IQCH: variants seen among roughly 807,000 people sequenced by gnomAD.
The protein encoded by IQCH is IQ domain-containing protein H.
In IQCH, 98 loss-of-function variants were observed where a neutral mutation model predicts 117.0. The ratio of observed to expected loss-of-function variants is 0.84; its 90% CI spans 0.71 to 0.99. The LOEUF (loss-of-function observed/expected upper bound fraction) is 0.99. IQCH is among the 50% of genes least tolerant of loss of function. The probability of loss-of-function intolerance (pLI) is 0.00; values close to 1 mark genes in which losing one functional copy is unlikely to be tolerated. For missense variants in IQCH, 1,102 were observed against 1,243.8 expected (o/e 0.89, Z 1.72); for synonymous variants, 412 against 448.2 (o/e 0.92, Z 1.02).
intron 5 of IQCH, among the ~76,000 whole-genome samples, chr15:67,340,950 T>C (rs1969143590): frequency 1.3e-5 from 2 of 152,208 alleles, no homozygotes; most frequent in Admixed American, 1.3e-4. Flanking sequence ...GGCTCATGCC[T>C]CTAATCCCAG....
At chr15:67,332,084 G>T (rs753492280) in intron 4 of IQCH, among the ~76,000 whole-genome samples, 2 of 152,050 alleles carry the variant, frequency 1.3e-5, no homozygotes, top group Non-Finnish European at 2.9e-5. Flanking sequence ...AGGATATTTG[G>T]TGTCCCTAAA....
At position 67,365,160 on chromosome 15, in the gene IQCH, G is replaced by A. The variant is rs1016537778; in HGVS notation, c.753+5275G>A. Among the ~76,000 whole-genome samples, 3 of 152,104 alleles carry A rather than the reference G, an allele frequency of 2.0e-5. No homozygotes were observed. The highest frequency in any genetic ancestry group is 4.4e-5 in the Non-Finnish European group (3 of 68,032). ...GGGGTTTTACCATGTTGCCCAGGCT[G>A]GTCTGGAACTCGTGGACTCAAGTGA... On this transcript the variant is annotated intron_variant, in intron 8 of 20. Transcript: ENST00000335894. This position sits in a 1 kb window ranked among gnomAD's most constrained non-coding sequence, Gnocchi z 4.4.
In IQCH at chr15:67,500,511, T is replaced by A. The variant is rs1332948345; in HGVS notation, c.2971-122T>A. The A allele has an allele frequency of 2.3e-6, 1 of 442,182 alleles. No homozygotes were observed. The highest frequency in any genetic ancestry group is 4.1e-6 in the Non-Finnish European group (1 of 241,836). 27.4% of individuals were successfully genotyped at this position (442,182 alleles called of 1,614,324 possible). On this transcript the variant is annotated intron_variant, in intron 20 of 20. Transcript: ENST00000335894. The surrounding 1 kb of genome is among the most constrained non-coding windows in gnomAD (Gnocchi z 4.4). ...GCCATAATCTGTAGACAAATGCCAGTTGGTAGAATACATTCTGAATAGAAC... is the reference window on the plus strand; with the variant it reads ...GCCATAATCTGTAGACAAATGCCAGATGGTAGAATACATTCTGAATAGAAC...
At chr15:67,421,156 C>A in intron 15 of IQCH, 135 bp from the exon 16 acceptor site, 1 of 681,782 alleles carries the variant, frequency 1.5e-6, no homozygotes, top group Non-Finnish European at 2.5e-6. Context: ...GCCCATATTA[C>A]GGATAAAGAA....
chr15:67,353,967 C>CACACACAG (rs1969779580), intron 6 of IQCH, among the ~76,000 whole-genome samples: 1 of 152,166 alleles, frequency 6.6e-6, no homozygotes, highest in Non-Finnish European at 1.5e-5. Context: ...TTTAAACACA[C>CACACACAG]ACACACAGAC....
rs1157947883 is a variant in IQCH at position 67,427,979 on chromosome 15, C to A, written c.2505+6402C>A. Among the ~76,000 whole-genome samples the A allele has an allele frequency of 6.6e-6, 1 of 152,114 alleles. No homozygotes were observed. The highest frequency in any genetic ancestry group is 2.4e-5 in the African/African-American group (1 of 41,410). On this transcript the variant is annotated intron_variant, in intron 16 of 20. Transcript: ENST00000335894. This position sits in a 1 kb window ranked among gnomAD's most constrained non-coding sequence, Gnocchi z 4.7. ...GAGTAGCTGGGATTACAGGCACACA[C>A]CACACCTGACTAACTTTTGTATTTT...
At chr15:67,477,831 C>T (rs954611151) in intron 18 of IQCH, among the ~76,000 whole-genome samples, 1 of 152,150 alleles carries the variant, frequency 6.6e-6, no homozygotes, top group African/African-American at 2.4e-5. Context: ...TCATTACTTT[C>T]TATTGCCTGA....
At chr15:67,400,694 TC>T (rs1971627167) in intron 14 of IQCH, among the ~76,000 whole-genome samples, 1 of 151,452 alleles carries the variant, frequency 6.6e-6, no homozygotes, top group African/African-American at 2.4e-5. Flanking sequence ...GGGGAGGGTC[TC>T]CTTATGTTGC....
chr15:67,262,171 A>G (rs990045339), intron 2 of IQCH, among the ~76,000 whole-genome samples: 3 of 152,224 alleles, frequency 2.0e-5, no homozygotes, highest in African/African-American at 7.2e-5. Flanking sequence ...TTGTAACGTT[A>G]TAATCAAATG....
rs747523346 is a variant in IQCH at position 67,388,385 on chromosome 15, GA to G, written c.1457-445del. 3.9e-5 allele frequency among the ~76,000 whole-genome samples: 6 copies of G among 152,140 alleles called. No individual in the cohort carries two copies. The highest frequency in any genetic ancestry group is 8.8e-5 in the Non-Finnish European group (6 of 68,022). Reference sequence around the variant, plus strand: ...ATTTCAACAGGACATTCCCTGAATTGACCCTGTCAAGTCCATACAGAATAAG... The same window carrying G: ...ATTTCAACAGGACATTCCCTGAATTGCCCTGTCAAGTCCATACAGAATAAG... On this transcript the variant is annotated intron_variant, in intron 11 of 20. Coordinates refer to ENST00000335894, the MANE Select transcript of IQCH (RefSeq NM_001031715.3). The surrounding 1 kb of genome is among the most constrained non-coding windows in gnomAD (Gnocchi z 5.5).
rs76264640 is a variant in IQCH at position 67,380,532 on chromosome 15, G to A, written c.1373-4404G>A. Among the ~76,000 whole-genome samples the A allele has an allele frequency of 3.9e-5, 6 of 152,216 alleles. No individual in the cohort carries two copies. In the East Asian group the frequency reaches 1.2e-3, roughly 29 times the overall value. The stretch of plus-strand genomic sequence containing the variant: ...TTTCACACTTGCATAAGTAATTAAA[G>A]CCTGGTTACAACCACAGTGTCTAGA... On this transcript the variant is annotated intron_variant, in intron 10 of 20. Transcript: ENST00000335894.
chr15:67,287,893 C>T (rs1458266568), intron 4 of IQCH, among the ~76,000 whole-genome samples: 1 of 151,928 alleles, frequency 6.6e-6, no homozygotes, highest in Non-Finnish European at 1.5e-5. Context: ...ATAAACTTCC[C>T]TCTTAGCATT....
In IQCH at chr15:67,447,688, A is replaced by G. The variant is rs2082421775; in HGVS notation, c.2506-17439A>G. On this transcript the variant is annotated intron_variant, in intron 16 of 20. Coordinates refer to ENST00000335894, the MANE Select transcript of IQCH (RefSeq NM_001031715.3). The surrounding 1 kb of genome is among the most constrained non-coding windows in gnomAD (Gnocchi z 5.3). Reference sequence around the variant, plus strand: ...AGGAGAAGGTGGAAACATCTGGGACAAAGCTTTTCTGAGCCACCGGCCCAC... The same window carrying G: ...AGGAGAAGGTGGAAACATCTGGGACGAAGCTTTTCTGAGCCACCGGCCCAC... Among the ~76,000 whole-genome samples, 1 of 151,884 alleles carries G rather than the reference A, an allele frequency of 6.6e-6. No individual in the cohort carries two copies. The highest frequency in any genetic ancestry group is 2.4e-5 in the African/African-American group (1 of 41,210).
chr15:67,500,590 T>C lies in IQCH; in HGVS notation c.2971-43T>C. ...GGACCAGATGCTTGGGGGAGAGGGA[T>C]TGTAAGAGGTCTTTAAGTAATAAAT... On this transcript the variant is annotated intron_variant, in intron 20 of 20. Coordinates refer to ENST00000335894, the MANE Select transcript of IQCH (RefSeq NM_001031715.3). The surrounding 1 kb of genome is among the most constrained non-coding windows in gnomAD (Gnocchi z 4.4). 2 of 984,630 alleles carry C rather than the reference T, an allele frequency of 2.0e-6. No homozygotes were observed. Among genetic ancestry groups the C allele is most frequent in the South Asian group, 3.0e-5 (2 of 67,258 alleles). The allele number at this position is 984,630 out of a possible 1,614,324, so 61.0% of individuals were successfully genotyped here. A position where few individuals can be genotyped will look rare whatever the true frequency, so the allele number is the denominator to read the frequency against.
rs2081600309 is a variant in IQCH at position 67,417,241 on chromosome 15, C to A, written c.2218+190C>A. On this transcript the variant is annotated intron_variant, in intron 15 of 20. Coordinates refer to ENST00000335894, the MANE Select transcript of IQCH (RefSeq NM_001031715.3). The surrounding 1 kb of genome is among the most constrained non-coding windows in gnomAD (Gnocchi z 4.3). Reference sequence around the variant, plus strand: ...ACCCAGCCTCTTAAGTAAATAAGAACCTAGCATGCCAAGCATGGCATGGGA... The same window carrying A: ...ACCCAGCCTCTTAAGTAAATAAGAAACTAGCATGCCAAGCATGGCATGGGA... Among the ~76,000 whole-genome samples the A allele has an allele frequency of 1.3e-5, 2 of 152,158 alleles. No homozygotes were observed.
At chr15:67,489,794 T>C (rs1408943068) in intron 18 of IQCH, among the ~76,000 whole-genome samples, 3 of 151,304 alleles carry the variant, frequency 2.0e-5, no homozygotes, top group Non-Finnish European at 4.4e-5. Context: ...ATGCAGGTGT[T>C]GAGGATCATA....
intron 4 of IQCH, among the ~76,000 whole-genome samples, chr15:67,315,198 C>G (rs1016949192): frequency 3.3e-5 from 5 of 152,164 alleles, no homozygotes; most frequent in Non-Finnish European, 7.3e-5. Flanking sequence ...TCAGCCTGAT[C>G]TGATGAGCAT....
At chr15:67,461,328 A>G (rs907714636) in intron 16 of IQCH, among the ~76,000 whole-genome samples, 5 of 152,246 alleles carry the variant, frequency 3.3e-5, no homozygotes, top group African/African-American at 1.2e-4. Context: ...CAAGTGACCC[A>G]CCTGGATCTC....
At chr15:67,293,196 T>G (rs888848482) in intron 4 of IQCH, among the ~76,000 whole-genome samples, 3 of 152,232 alleles carry the variant, frequency 2.0e-5, no homozygotes, top group African/African-American at 7.2e-5. Context: ...CTAATCAACC[T>G]CTATTATGTA....
Sources: allele counts gnomAD v4.1 joint callset (sites outside exome capture counted in the v4.1 genomes callset), GRCh38; gene constraint gnomAD v4.1.1; non-coding constraint Gnocchi (gnomAD v3.1); transcripts MANE v1.5; gene names NCBI Gene and HGNC (gene_info 2026-07-23, HGNC 2026-07-21).